Variants in SV2C observed in about 807,000 individuals in gnomAD.
SV2C encodes the protein synaptic vesicle glycoprotein 2C, also known as solute carrier family 22 member B3.
In SV2C, 49 loss-of-function variants were observed where a neutral mutation model predicts 79.7. The observed-to-expected ratio is 0.61, with a 90% CI of 0.49 to 0.78. The LOEUF is 0.78. Ranked by LOEUF, SV2C falls within the 30% of genes least tolerant of loss-of-function variation. The pLI is 0.00. For missense variants in SV2C, 833 were observed against 912.9 expected, an observed-to-expected ratio of 0.91 and a Z score of 1.13; for synonymous variants, 334 against 333.2, an observed-to-expected ratio of 1.00 and a Z score of -0.03.
intron 1 of SV2C, among the ~76,000 whole-genome samples, chr5:76,121,978 G>C (rs1212009781): frequency 6.6e-6 from 1 of 152,024 alleles, no homozygotes. Flanking sequence ...CCATTTTCAC[G>C]ATATTGATTC....
the SV2C span, among the ~76,000 whole-genome samples, chr5:76,023,262 A>G: frequency 3.9e-5 from 6 of 152,186 alleles, no homozygotes; most frequent in Non-Finnish European, 8.8e-5. Context: ...TCCCCCAAAT[A>G]GTACAGTGCT....
chr5:75,899,958 G>T, the SV2C span, among the ~76,000 whole-genome samples: 20 of 152,076 alleles, frequency 1.3e-4, 1 homozygote, highest in Non-Finnish European at 2.8e-4. Flanking sequence ...GCCTATGTGT[G>T]TCTCTGCATG....
At chr5:76,118,526 A>G (rs371136803) in intron 1 of SV2C, among the ~76,000 whole-genome samples, 1 of 152,336 alleles carries the variant, frequency 6.6e-6, no homozygotes, top group East Asian at 1.9e-4. Context: ...ACCAATAATC[A>G]AATGTATCTA....
At chr5:75,984,567 A>ATCTATATCTATCTATCTATCTATCTATC in the SV2C span, among the ~76,000 whole-genome samples, 3 of 102,826 alleles carry the variant, frequency 2.9e-5, no homozygotes, top group African/African-American at 8.6e-5. Context: ...CTATCTATCT[A>ATCTATATCTATCTATCTATCTATCTATC]TATCTATCTA....
chr5:76,115,239 A>C (rs184047078), intron 1 of SV2C, among the ~76,000 whole-genome samples: 1 of 152,360 alleles, frequency 6.6e-6, no homozygotes, highest in East Asian at 1.9e-4. Context: ...TTTGAGTCTA[A>C]GTAATTGCTT....
intron 8 of SV2C, 40 bp downstream of exon 8, chr5:76,291,896 A>G (rs374035189): frequency 2.3e-4 from 334 of 1,427,706 alleles, no homozygotes; most frequent in South Asian, 1.2e-3. Flanking sequence ...AAATCGTTCA[A>G]TGTCCACATT....
In SV2C at chr5:76,287,862, G is replaced by A. The variant is rs184765404; in HGVS notation, c.1137+1992G>A. On this transcript the variant is annotated intron_variant, in intron 6 of 12. Transcript: ENST00000502798. Reference sequence around the variant, plus strand: ...AGCACTTTGGGAGGCTGAGGTGGGCGGATTACAAGGTCAGGAGATCGAGAC... The same window carrying A: ...AGCACTTTGGGAGGCTGAGGTGGGCAGATTACAAGGTCAGGAGATCGAGAC... Among the ~76,000 whole-genome samples the A allele has an allele frequency of 4.4e-4, 67 of 152,248 alleles. 1 individual carries two copies. Among genetic ancestry groups the A allele is most frequent in the Admixed American group, 3.8e-3 (58 of 15,282 alleles).
chr5:75,981,072 C>A, the SV2C span, among the ~76,000 whole-genome samples: 1 of 152,094 alleles, frequency 6.6e-6, no homozygotes, highest in Non-Finnish European at 1.5e-5. Flanking sequence ...ACATCAAGAA[C>A]AGTCAAGCCA....
the SV2C span, among the ~76,000 whole-genome samples, chr5:75,984,744 C>G: frequency 1.3e-5 from 2 of 152,156 alleles, no homozygotes; most frequent in South Asian, 4.2e-4. Context: ...GGCAAACCAT[C>G]AGGAAGGGCA....
At chr5:75,946,371 A>G in the SV2C span, among the ~76,000 whole-genome samples, 531 of 152,212 alleles carry the variant, frequency 3.5e-3, 3 homozygotes, top group African/African-American at 0.012. Context: ...GTCAAAAATC[A>G]TTTGATCATA....
the SV2C span, among the ~76,000 whole-genome samples, chr5:75,881,723 T>C: frequency 1.3e-5 from 2 of 152,008 alleles, no homozygotes; most frequent in African/African-American, 4.8e-5. Flanking sequence ...TTTCTAGATA[T>C]ACAATCATGT....
intron 2 of SV2C, among the ~76,000 whole-genome samples, chr5:76,152,835 T>A (rs1425216198): frequency 1.3e-5 from 2 of 152,208 alleles, no homozygotes; most frequent in African/African-American, 4.8e-5. Flanking sequence ...TGTAGGCAGT[T>A]ATGTGGCTGA....
At chr5:75,939,468 AC>A in the SV2C span, among the ~76,000 whole-genome samples, 1 of 151,808 alleles carries the variant, frequency 6.6e-6, no homozygotes, top group Non-Finnish European at 1.5e-5. Context: ...AAACCTAATT[AC>A]CTCCCAGAGG....
At chr5:76,280,000 G>C (rs1747134564) in intron 4 of SV2C, among the ~76,000 whole-genome samples, 1 of 152,126 alleles carries the variant, frequency 6.6e-6, no homozygotes. Flanking sequence ...TGGAACAGGG[G>C]CAGGTGGATG....
At chr5:76,289,206 A>G (rs190596109) in intron 6 of SV2C, among the ~76,000 whole-genome samples, 111 of 152,236 alleles carry the variant, frequency 7.3e-4, no homozygotes, top group Middle Eastern at 3.4e-3. Context: ...TGTCCTCTGA[A>G]GCTCTTCTTA....
chr5:76,136,660 A>G (rs1325700122), intron 2 of SV2C, among the ~76,000 whole-genome samples: 4 of 152,230 alleles, frequency 2.6e-5, no homozygotes, highest in Admixed American at 6.5e-5. Context: ...GTTTTGAACC[A>G]TGGCACGTGT....
At chr5:76,236,681 C>T (rs1422070260) in intron 4 of SV2C, among the ~76,000 whole-genome samples, 1 of 152,130 alleles carries the variant, frequency 6.6e-6, no homozygotes, top group Non-Finnish European at 1.5e-5. Flanking sequence ...CATTTTCTAC[C>T]ACTGCAGGGA....
intron 4 of SV2C, among the ~76,000 whole-genome samples, chr5:76,237,154 A>G (rs1745640381): frequency 6.6e-6 from 1 of 152,224 alleles, no homozygotes; most frequent in African/African-American, 2.4e-5. Context: ...TCTTCATAGC[A>G]GTGTGAGAAT....
intron 1 of SV2C, among the ~76,000 whole-genome samples, chr5:76,084,409 A>G (rs1040202465): frequency 2.6e-5 from 4 of 151,628 alleles, no homozygotes; most frequent in Admixed American, 6.6e-5. Context: ...GGGTTCTAGA[A>G]CTGGGAAGAC....
Sources: gnomAD v4.1 joint callset for allele counts (sites outside exome capture counted in the v4.1 genomes callset) on GRCh38, gnomAD v4.1.1 for gene constraint, MANE v1.5 for transcripts, NCBI Gene and HGNC (gene_info 2026-07-23, HGNC 2026-07-21) for gene names.